Variants in NRXN1 observed in about 807,000 individuals in gnomAD.
NRXN1 encodes the protein neurexin 1.
NRXN1 carries 39 observed loss-of-function variants against 150.9 expected under a neutral mutation model. The ratio of observed to expected loss-of-function variants is 0.26; its 90% CI spans 0.20 to 0.34. The LOEUF is 0.34. Ranked by LOEUF, NRXN1 falls within the 10% of genes least tolerant of loss-of-function variation. The probability of loss-of-function intolerance (pLI) is 1.00; values close to 1 mark genes in which losing one functional copy is unlikely to be tolerated. For synonymous variants in NRXN1, 924 were observed against 757.0 expected, an observed-to-expected ratio of 1.22 and a Z score of -3.62; for missense variants, 1,815 against 1,949.9, an observed-to-expected ratio of 0.93 and a Z score of 1.30.
chr2:50,072,615 A>C, intron 19 of NRXN1, among the ~76,000 whole-genome samples: 1 of 127,146 alleles, frequency 7.9e-6, no homozygotes, highest in Non-Finnish European at 1.5e-5. Flanking sequence ...AAAAAAAAAT[A>C]AAACAGCAAC....
At chr2:50,162,771 T>C (rs2059438422) in intron 18 of NRXN1, among the ~76,000 whole-genome samples, 1 of 152,090 alleles carries the variant, frequency 6.6e-6, no homozygotes, top group African/African-American at 2.4e-5. Context: ...TGACAAACCT[T>C]AATCAGATAT....
intron 18 of NRXN1, among the ~76,000 whole-genome samples, chr2:50,151,466 C>T (rs1245353569): frequency 1.3e-5 from 2 of 151,544 alleles, no homozygotes; most frequent in Non-Finnish European, 2.9e-5. Context: ...CTCTAATCAC[C>T]CTACTAGATT....
chr2:50,478,691 C>T (rs1247787629), intron 15 of NRXN1, among the ~76,000 whole-genome samples: 2 of 152,136 alleles, frequency 1.3e-5, no homozygotes, highest in Admixed American at 1.3e-4. Flanking sequence ...ATTTCTAGGT[C>T]CAGCCTAAAA....
intron 5 of NRXN1, among the ~76,000 whole-genome samples, chr2:50,885,160 T>A (rs61021158): frequency 6.6e-6 from 1 of 151,556 alleles, no homozygotes; most frequent in Non-Finnish European, 1.5e-5. Context: ...CTCATCTTTA[T>A]GCAACAGTTT....
intron 17 of NRXN1, among the ~76,000 whole-genome samples, chr2:50,457,161 T>C (rs1205796633): frequency 1.3e-5 from 2 of 152,140 alleles, no homozygotes; most frequent in Non-Finnish European, 2.9e-5. Flanking sequence ...AATGACAGTA[T>C]GCTTTTGACA....
intron 2 of NRXN1, among the ~76,000 whole-genome samples, chr2:50,973,589 CATATAGAGTATATGT>C (rs1203599290): frequency 6.6e-6 from 1 of 151,960 alleles, no homozygotes; most frequent in Non-Finnish European, 1.5e-5. Context: ...AAAAGAGTTA[CATATAGAGTATATGT>C]ATATAGAGTA....
intron 2 of NRXN1, among the ~76,000 whole-genome samples, chr2:50,961,204 G>C (rs561319529): frequency 3.3e-5 from 5 of 151,906 alleles, no homozygotes; most frequent in African/African-American, 7.2e-5. Context: ...ATATATGATA[G>C]AGGCCCATTT....
intron 18 of NRXN1, among the ~76,000 whole-genome samples, chr2:50,211,835 CAAG>C (rs2063038556): frequency 7.6e-6 from 1 of 130,870 alleles, no homozygotes; most frequent in African/African-American, 2.6e-5. Flanking sequence ...TTTGCCTCAT[CAAG>C]AAGAAGACAG....
chr2:50,869,222 C>T (rs149811899), intron 5 of NRXN1, among the ~76,000 whole-genome samples: 34 of 151,724 alleles, frequency 2.2e-4, no homozygotes, highest in African/African-American at 8.2e-4. Context: ...TGGCATTGGT[C>T]CTTTCTTCTG....
At chr2:50,426,760 C>G (rs953328194) in intron 17 of NRXN1, among the ~76,000 whole-genome samples, 2 of 152,152 alleles carry the variant, frequency 1.3e-5, no homozygotes, top group African/African-American at 4.8e-5. Flanking sequence ...TATAGCTACC[C>G]AAACCTTAAG....
At chr2:50,103,890 CTT>C (rs1701307262) in intron 18 of NRXN1, among the ~76,000 whole-genome samples, 1 of 152,022 alleles carries the variant, frequency 6.6e-6, no homozygotes, top group Admixed American at 6.6e-5. Context: ...AACAAACACA[CTT>C]TCTCTCTTAC....
intron 2 of NRXN1, among the ~76,000 whole-genome samples, chr2:51,002,637 T>G (rs1041754860): frequency 3.3e-5 from 5 of 151,942 alleles, no homozygotes; most frequent in African/African-American, 1.2e-4. Context: ...AAAAATTCTC[T>G]GTAAATATAA....
intron 5 of NRXN1, among the ~76,000 whole-genome samples, chr2:50,670,406 A>G (rs557822587): frequency 2.0e-5 from 3 of 151,366 alleles, no homozygotes; most frequent in Admixed American, 6.6e-5. Context: ...ATTGTAACGT[A>G]AACAATATTA....
chr2:50,767,244 T>C (rs938082607), intron 5 of NRXN1, among the ~76,000 whole-genome samples: 1 of 152,036 alleles, frequency 6.6e-6, no homozygotes, highest in Non-Finnish European at 1.5e-5. Context: ...GTGGTAGATG[T>C]TTTTTAATGT....
rs144700144 is a variant in NRXN1, at chr2:50,857,193, C to T, written c.832+64676G>A. ...ACATTTACTTCGGGGTAAAGTTGAGCTGTGTGCCCTCTGAGTCAATATTAA... is the reference window on the plus strand; with the variant it reads ...ACATTTACTTCGGGGTAAAGTTGAGTTGTGTGCCCTCTGAGTCAATATTAA... On this transcript the variant is annotated intron_variant, in intron 5 of 22. Transcript: ENST00000401669. Among the ~76,000 whole-genome samples, 365 of 152,134 alleles carry T rather than the reference C, an allele frequency of 2.4e-3. 2 individuals carry two copies. The highest frequency in any genetic ancestry group is 3.5e-3 in the Non-Finnish European group (238 of 67,974).
Position 50,531,427 on chromosome 2 carries a change from G to C in NRXN1, c.2147C>G (p.Ala716Gly). 6.2e-7 allele frequency: 1 copy of C among 1,608,974 alleles called. No individual in the cohort carries two copies. Among genetic ancestry groups the C allele is most frequent in the Non-Finnish European group, 8.5e-7 (1 of 1,177,336 alleles). Residue 716 changes from alanine (A) to glycine (G), a missense_variant, in exon 11 of 23, where the codon GCA becomes GGA. Ala to Gly is a moderately conservative substitution (Grantham distance 60). This residue lies in a region of NRXN1 where 638 missense variants were observed against 652.6 expected (regional missense o/e 0.98). Transcript: ENST00000401669. Reference protein sequence around the residue: ...GYLGRSCEREATVLSYDGSMF... With the variant: ...GYLGRSCEREGTVLSYDGSMF... The stretch of plus-strand genomic sequence containing the variant: ...GCTCCCATCATAGCTCAAAACCGTT[G>C]CCTCTAGAGATGGAAAATGAATATG...
intron 19 of NRXN1, among the ~76,000 whole-genome samples, chr2:50,090,274 A>C (rs1321685482): frequency 6.6e-6 from 1 of 152,204 alleles, no homozygotes; most frequent in East Asian, 1.9e-4. Flanking sequence ...TATCAATTGA[A>C]TACATTGGTT....
chr2:50,922,461 G>T, intron 4 of NRXN1, 197 bp downstream of exon 4: 1 of 648,686 alleles, frequency 1.5e-6, no homozygotes, highest in Non-Finnish European at 2.8e-6. Flanking sequence ...GAAAATAAAA[G>T]CCACAGGAAC....
chr2:50,050,017 T>G (rs1412620600), intron 21 of NRXN1, among the ~76,000 whole-genome samples: 2 of 152,078 alleles, frequency 1.3e-5, no homozygotes, highest in Non-Finnish European at 2.9e-5. Context: ...TAAAAAGTAC[T>G]ATCAATATTG....
Sources: gnomAD v4.1 joint callset for allele counts (sites outside exome capture counted in the v4.1 genomes callset) on GRCh38, gnomAD v4.1.1 for gene constraint, gnomAD v4.1.1 regional missense constraint, MANE v1.5 for transcripts, NCBI Gene and HGNC (gene_info 2026-07-23, HGNC 2026-07-21) for gene names.